PIK3C2G: variants seen among roughly 807,000 people sequenced by gnomAD.
The protein encoded by PIK3C2G is phosphatidylinositol 3-kinase C2 domain-containing subunit gamma.
PIK3C2G carries 168 observed loss-of-function variants against 181.1 expected under a neutral mutation model. The observed-to-expected ratio is 0.93, with a 90% CI of 0.82 to 1.05. The LOEUF (loss-of-function observed/expected upper bound fraction) is 1.05, where lower values mean the gene tolerates loss of function less well. Ranked by LOEUF, PIK3C2G falls within the 50% of genes least tolerant of loss-of-function variation. The pLI is 0.00. For synonymous variants in PIK3C2G, 573 were observed against 592.2 expected, an observed-to-expected ratio of 0.97 and a Z score of 0.47; for missense variants, 1,869 against 1,732.8, an observed-to-expected ratio of 1.08 and a Z score of -1.40.
intron 3 of PIK3C2G, among the ~76,000 whole-genome samples, chr12:18,287,493 T>G (rs1723124122): frequency 6.6e-6 from 1 of 152,210 alleles, no homozygotes; most frequent in African/African-American, 2.4e-5. Flanking sequence ...AAGGCAAATT[T>G]CATATTAGCA....
intron 31 of PIK3C2G, among the ~76,000 whole-genome samples, chr12:18,613,623 G>T (rs1442345140): frequency 6.6e-6 from 1 of 151,916 alleles, no homozygotes; most frequent in African/African-American, 2.4e-5. Flanking sequence ...TATAGATTGG[G>T]CTATCTGCAT....
the PIK3C2G span, among the ~76,000 whole-genome samples, chr12:18,653,635 AC>A: frequency 6.6e-6 from 1 of 152,182 alleles, no homozygotes; most frequent in Non-Finnish European, 1.5e-5. Flanking sequence ...ACTGGAGGAG[AC>A]AAAACCAAAC....
At chr12:18,520,440 C>T (rs144696324) in intron 24 of PIK3C2G, among the ~76,000 whole-genome samples, 106 of 152,068 alleles carry the variant, frequency 7.0e-4, no homozygotes, top group Non-Finnish European at 1.1e-3. Context: ...TCTCTAATCT[C>T]GTCTGCCTTC....
chr12:18,475,407 C>CA (rs1248064136), intron 18 of PIK3C2G, among the ~76,000 whole-genome samples: 3 of 150,672 alleles, frequency 2.0e-5, no homozygotes, highest in South Asian at 2.1e-4. Flanking sequence ...CACACACACA[C>CA]ACCATTTTTT....
chr12:18,266,941 AC>A (rs563986715), intron 1 of PIK3C2G, among the ~76,000 whole-genome samples: 65 of 151,978 alleles, frequency 4.3e-4, no homozygotes, highest in Middle Eastern at 3.4e-3. Context: ...GTATATATGT[AC>A]CATATACATA....
intron 30 of PIK3C2G, among the ~76,000 whole-genome samples, chr12:18,601,833 A>T (rs945064712): frequency 1.3e-5 from 2 of 152,196 alleles, no homozygotes; most frequent in East Asian, 1.9e-4. Context: ...ACTGGACATT[A>T]GAGAGCCGGG....
chr12:18,490,352 G>A (rs1940443256), intron 19 of PIK3C2G, among the ~76,000 whole-genome samples: 1 of 152,110 alleles, frequency 6.6e-6, no homozygotes, highest in African/African-American at 2.4e-5. Context: ...TTATTAATAT[G>A]ATATCCTTGT....
At chr12:18,495,105 A>G (rs113827400) in intron 20 of PIK3C2G, among the ~76,000 whole-genome samples, 2,384 of 152,166 alleles carry the variant, frequency 0.016, 69 homozygotes, top group African/African-American at 0.054. Flanking sequence ...CTCAACTTCT[A>G]ATTTCAGACT....
chr12:18,492,240 T>C (rs1316109113), intron 20 of PIK3C2G, among the ~76,000 whole-genome samples: 4 of 152,178 alleles, frequency 2.6e-5, no homozygotes, highest in African/African-American at 9.7e-5. Context: ...AAATTATGAA[T>C]ATGTTAGATT....
chr12:18,517,325 A>G (rs1362910420), intron 24 of PIK3C2G, among the ~76,000 whole-genome samples: 1 of 151,904 alleles, frequency 6.6e-6, no homozygotes, highest in South Asian at 2.1e-4. Flanking sequence ...CTTAAGCCAC[A>G]GCAGAAATTA....
the PIK3C2G span, chr12:18,705,370 G>A: frequency 1.3e-6 from 2 of 1,574,184 alleles, no homozygotes; most frequent in Non-Finnish European, 1.7e-6. Context: ...ATAATTGTAA[G>A]GCAATTAATA....
intron 29 of PIK3C2G, among the ~76,000 whole-genome samples, chr12:18,573,879 G>A (rs1210927028): frequency 6.6e-6 from 1 of 152,144 alleles, no homozygotes; most frequent in African/African-American, 2.4e-5. Context: ...TTCTTATTGG[G>A]CTGTTTGCTG....
At chr12:18,410,596 T>C (rs531689605) in intron 16 of PIK3C2G, among the ~76,000 whole-genome samples, 2 of 152,136 alleles carry the variant, frequency 1.3e-5, no homozygotes, top group Admixed American at 1.3e-4. Context: ...ACAGATTTGG[T>C]TGTTCAAAAA....
rs796796329 is a variant in PIK3C2G, at chr12:18,498,762, A to G, written c.3016+1014A>G. Among the ~76,000 whole-genome samples, 38 of 152,322 alleles carry G rather than the reference A, an allele frequency of 2.5e-4. No individual in the cohort carries two copies. In the East Asian group the frequency reaches 6.4e-3, roughly 26 times the overall value. On this transcript the variant is annotated intron_variant, in intron 22 of 32. Transcript: ENST00000538779. ...CTTAATACCTTACAATGACTGCATTACAGTCGTACTAGCCAATTGATTTGA... is the reference window on the plus strand; with the variant it reads ...CTTAATACCTTACAATGACTGCATTGCAGTCGTACTAGCCAATTGATTTGA...
rs75650686 is a variant in PIK3C2G, at chr12:18,457,037, C to T, written c.2505-31412C>T. 9.8e-3 allele frequency among the ~76,000 whole-genome samples: 1,495 copies of T among 151,952 alleles called. 24 individuals are homozygous for T. The highest frequency in any genetic ancestry group is 0.035 in the African/African-American group (1,430 of 41,440). ...TCAAAAAAAATGGTGACTTTCAAAGCATTGTAATGTGAAATACAAGTACAA... is the reference window on the plus strand; with the variant it reads ...TCAAAAAAAATGGTGACTTTCAAAGTATTGTAATGTGAAATACAAGTACAA... On this transcript the variant is annotated intron_variant, in intron 18 of 32. Transcript: ENST00000538779.
intron 15 of PIK3C2G, among the ~76,000 whole-genome samples, chr12:18,393,932 G>A (rs1943701945): frequency 6.6e-6 from 1 of 152,098 alleles, no homozygotes; most frequent in South Asian, 2.1e-4. Flanking sequence ...GCATCATACT[G>A]GAGAGCAGGA....
chr12:18,335,490 A>G (rs1938447519), intron 8 of PIK3C2G, among the ~76,000 whole-genome samples: 1 of 151,894 alleles, frequency 6.6e-6, no homozygotes, highest in South Asian at 2.1e-4. Context: ...TGTGTGGTGT[A>G]GTGTGTCTAT....
chr12:18,425,189 C>T (rs115184172), intron 18 of PIK3C2G: 183 of 163,502 alleles, frequency 1.1e-3, no homozygotes, highest in African/African-American at 4.3e-3. Context: ...TTCTAGTCTG[C>T]TAAATAGATT....
intron 18 of PIK3C2G, among the ~76,000 whole-genome samples, chr12:18,448,297 T>C (rs1290341284): frequency 1.3e-5 from 2 of 152,212 alleles, no homozygotes; most frequent in African/African-American, 4.8e-5. Flanking sequence ...TTATTTTATA[T>C]GTTTAATATA....
Sources: allele counts gnomAD v4.1 joint callset (sites outside exome capture counted in the v4.1 genomes callset), GRCh38; gene constraint gnomAD v4.1.1; transcripts MANE v1.5; gene names NCBI Gene and HGNC (gene_info 2026-07-23, HGNC 2026-07-21).